The following EVI5 variants were observed in gnomAD, a reference collection of about 807,000 sequenced individuals.
The protein encoded by EVI5 is ecotropic viral integration site 5, also known as ecotropic viral integration site 5 protein homolog.
EVI5 carries 73 observed loss-of-function variants against 112.0 expected under a neutral mutation model. The observed-to-expected ratio is 0.65, with a 90% CI of 0.54 to 0.79. The LOEUF (loss-of-function observed/expected upper bound fraction) is 0.79. EVI5 is among the 30% of genes least tolerant of loss of function. EVI5 has a pLI of 0.00. For missense variants in EVI5, 900 were observed against 968.8 expected, an observed-to-expected ratio of 0.93 and a Z score of 0.94; for synonymous variants, 305 against 319.9, an observed-to-expected ratio of 0.95 and a Z score of 0.50.
rs1294357893 is a variant in EVI5, at chr1:92,693,851, G to C, written c.1048C>G (p.Leu350Val). Residue 350 changes from leucine to valine, a missense_variant, in exon 9 of 20, where the codon CTA becomes GTA. Transcript: ENST00000684568. ...TTGACTTGGTAAGCTGCTTGGATTA[G>C]CTTGTCTGGGACACCATCAAACTGA... The part of the protein sequence containing the change: ...PHQFDGVPDK[L>V]IQAAYQVKYN... The C allele has an allele frequency of 3.1e-6, 5 of 1,607,020 alleles. No homozygotes were observed. The highest frequency in any genetic ancestry group is 3.4e-6 in the Non-Finnish European group (4 of 1,174,340).
intron 13 of EVI5, among the ~76,000 whole-genome samples, chr1:92,654,414 G>A (rs1662673171): frequency 6.6e-6 from 1 of 152,058 alleles, no homozygotes; most frequent in Non-Finnish European, 1.5e-5. Context: ...ACTACAACTA[G>A]CATTTGAGAA....
chr1:92,552,158 C>A (rs963560779), intron 19 of EVI5, among the ~76,000 whole-genome samples: 1 of 149,290 alleles, frequency 6.7e-6, no homozygotes, highest in African/African-American at 2.5e-5. Flanking sequence ...CTGGAGCCAG[C>A]TTCAAAGAGT....
chr1:92,705,235 A>G (rs1237804320), intron 2 of EVI5, among the ~76,000 whole-genome samples: 1 of 152,242 alleles, frequency 6.6e-6, no homozygotes, highest in African/African-American at 2.4e-5. Flanking sequence ...AATCTGCCCA[A>G]ACAAAAAGTA....
chr1:92,635,535 G>A (rs934059661), intron 14 of EVI5, among the ~76,000 whole-genome samples: 9 of 152,176 alleles, frequency 5.9e-5, no homozygotes, highest in African/African-American at 2.2e-4. Flanking sequence ...GAAAAGCGCA[G>A]TATTAGGGTG....
At chr1:92,700,462 G>C (rs1670976830) in intron 5 of EVI5, among the ~76,000 whole-genome samples, 1 of 152,190 alleles carries the variant, frequency 6.6e-6, no homozygotes, top group South Asian at 2.1e-4. Flanking sequence ...TGGGCCATAA[G>C]TGACTACTGT....
chr1:92,563,949 G>A (rs189667815), intron 18 of EVI5, among the ~76,000 whole-genome samples: 3 of 152,098 alleles, frequency 2.0e-5, no homozygotes, highest in South Asian at 4.2e-4. Flanking sequence ...ACAGAGTTTC[G>A]TTCTTGTTGC....
chr1:92,589,134 G>A (rs1473676527), intron 18 of EVI5, among the ~76,000 whole-genome samples: 2 of 152,200 alleles, frequency 1.3e-5, no homozygotes, highest in African/African-American at 4.8e-5. Context: ...ACTTTTGGGG[G>A]TGGAGCCAAT....
intron 16 of EVI5, chr1:92,622,481 G>A (rs529334239): frequency 5.3e-6 from 1 of 189,610 alleles, no homozygotes; most frequent in Non-Finnish European, 1.1e-5. Context: ...AAGGAGAGTG[G>A]ATCAATAAAT....
At chr1:92,562,161 T>C (rs972385545) in intron 19 of EVI5, among the ~76,000 whole-genome samples, 1 of 152,114 alleles carries the variant, frequency 6.6e-6, no homozygotes, top group African/African-American at 2.4e-5. Flanking sequence ...ATTCCTGGGG[T>C]TCTCAAAAGA....
rs61310991 is a variant in EVI5 at position 92,586,606 on chromosome 1, C to CTGTGTGTGTG, written c.2070+18691_2070+18700dup. Among the ~76,000 whole-genome samples the CTGTGTGTGTG allele has an allele frequency of 4.0e-3, 292 of 72,768 alleles. 4 individuals are homozygous for CTGTGTGTGTG. Among genetic ancestry groups the CTGTGTGTGTG allele is most frequent in the African/African-American group, 0.012 (282 of 23,206 alleles). The allele number at this position is 72,768 out of a possible 152,430, so 47.7% of individuals were successfully genotyped here. A position where few individuals can be genotyped will look rare whatever the true frequency, so the allele number is the denominator to read the frequency against. ...AATGTAGGTTTTTTTTTTTTTTTGG[C>CTGTGTGTGTG]TGTGTGTGTGTGTGTGTGTGTGTGT... On this transcript the variant is annotated intron_variant, in intron 18 of 19. Transcript: ENST00000684568.
chr1:92,543,676 T>A (rs188709637), intron 19 of EVI5, among the ~76,000 whole-genome samples: 1 of 152,348 alleles, frequency 6.6e-6, no homozygotes, highest in Non-Finnish European at 1.5e-5. Context: ...TTTGACTATA[T>A]GAGTGCAATT....
At chr1:92,528,982 C>G (rs2101823382) in intron 19 of EVI5, among the ~76,000 whole-genome samples, 1 of 152,240 alleles carries the variant, frequency 6.6e-6, no homozygotes, top group African/African-American at 2.4e-5. Context: ...GAAATAATAT[C>G]TATAAAAGAT....
At chr1:92,572,836 A>G (rs550733162) in intron 18 of EVI5, among the ~76,000 whole-genome samples, 71 of 152,208 alleles carry the variant, frequency 4.7e-4, no homozygotes, top group Non-Finnish European at 9.3e-4. Context: ...ATGAATATAA[A>G]GCTCATCTGT....
At chr1:92,717,388 T>G (rs1019064268) in intron 2 of EVI5, among the ~76,000 whole-genome samples, 5 of 152,174 alleles carry the variant, frequency 3.3e-5, no homozygotes, top group African/African-American at 2.4e-5. Context: ...GGGGCCAATC[T>G]TCAACATTCT....
intron 18 of EVI5, among the ~76,000 whole-genome samples, chr1:92,573,048 C>T (rs947709331): frequency 1.3e-5 from 2 of 152,054 alleles, no homozygotes; most frequent in Non-Finnish European, 2.9e-5. Flanking sequence ...ATTCTATTAT[C>T]TGCAACAAAA....
At chr1:92,729,106 TGCTGAG>T (rs1676061429) in intron 2 of EVI5, among the ~76,000 whole-genome samples, 1 of 152,334 alleles carries the variant, frequency 6.6e-6, no homozygotes, top group Non-Finnish European at 1.5e-5. Context: ...CAAAATTGAA[TGCTGAG>T]GCTGCTAAGA....
chr1:92,760,845 A>G (rs1681725460), intron 1 of EVI5, among the ~76,000 whole-genome samples: 1 of 152,076 alleles, frequency 6.6e-6, no homozygotes, highest in Admixed American at 6.5e-5. Context: ...TCACGAAGTC[A>G]GGAGATCGAG....
At chr1:92,617,003 C>A (rs955420175) in intron 16 of EVI5, among the ~76,000 whole-genome samples, 1 of 152,202 alleles carries the variant, frequency 6.6e-6, no homozygotes, top group African/African-American at 2.4e-5. Context: ...CTCCTGCCAC[C>A]CTGTCTTCTC....
At chr1:92,558,690 T>A (rs1190521620) in intron 19 of EVI5, among the ~76,000 whole-genome samples, 1 of 152,010 alleles carries the variant, frequency 6.6e-6, no homozygotes, top group Non-Finnish European at 1.5e-5. Context: ...AATGAAATTA[T>A]AAAATTTTCT....
Sources: allele counts gnomAD v4.1 joint callset (sites outside exome capture counted in the v4.1 genomes callset), GRCh38; gene constraint gnomAD v4.1.1; transcripts MANE v1.5; gene names NCBI Gene and HGNC (gene_info 2026-07-23, HGNC 2026-07-21).